The following RNF216 variants were observed in gnomAD, a reference collection of about 807,000 sequenced individuals.
RNF216 encodes ring finger protein 216.
In RNF216, 72 loss-of-function variants were observed where a neutral mutation model predicts 110.8. That is an observed-to-expected ratio of 0.65 (90% confidence interval 0.54 to 0.79). The LOEUF is 0.79. Ranked by LOEUF, RNF216 falls within the 30% of genes least tolerant of loss-of-function variation. RNF216 has a pLI of 0.00. For synonymous variants in RNF216, 495 were observed against 407.5 expected, an observed-to-expected ratio of 1.21 and a Z score of -2.59; for missense variants, 1,342 against 1,141.2, an observed-to-expected ratio of 1.18 and a Z score of -2.54.
chr7:5,672,797 T>C (rs1225633523), intron 13 of RNF216, among the ~76,000 whole-genome samples: 1 of 152,014 alleles, frequency 6.6e-6, no homozygotes, highest in Non-Finnish European at 1.5e-5. Flanking sequence ...GGACTCAAGA[T>C]AGGATGCTGT....
chr7:5,660,770 A>G (rs969812753), intron 13 of RNF216, among the ~76,000 whole-genome samples: 1 of 149,944 alleles, frequency 6.7e-6, no homozygotes, highest in African/African-American at 2.5e-5. Context: ...GGGTCTTGCC[A>G]TGTTGCCCAG....
chr7:5,663,457 G>C (rs911630810), intron 13 of RNF216, among the ~76,000 whole-genome samples: 1 of 151,944 alleles, frequency 6.6e-6, no homozygotes, highest in Non-Finnish European at 1.5e-5. Context: ...GGTGGCGTTC[G>C]CCTGTAGTCC....
chr7:5,646,865 T>G (rs1788081031), intron 14 of RNF216, among the ~76,000 whole-genome samples: 2 of 152,140 alleles, frequency 1.3e-5, no homozygotes, highest in South Asian at 4.2e-4. Context: ...CTCAGCCAGG[T>G]CATCTGTAAC....
intron 13 of RNF216, among the ~76,000 whole-genome samples, chr7:5,676,089 G>GT (rs1463738190): frequency 6.6e-6 from 1 of 151,702 alleles, no homozygotes; most frequent in East Asian, 1.9e-4. Flanking sequence ...TCGGCTCACT[G>GT]TAACCTTCGT....
At chr7:5,723,005 G>A (rs1433533158) in intron 8 of RNF216, among the ~76,000 whole-genome samples, 1 of 152,066 alleles carries the variant, frequency 6.6e-6, no homozygotes, top group Admixed American at 6.5e-5. Context: ...GAATAGAAAA[G>A]CACGTGGTTA....
At chr7:5,765,580 C>A (rs892277446) in intron 1 of RNF216, among the ~76,000 whole-genome samples, 1 of 151,334 alleles carries the variant, frequency 6.6e-6, no homozygotes, top group Non-Finnish European at 1.5e-5. Context: ...CAGTGTGCCA[C>A]CATCATGCCA....
chr7:5,718,172 G>T (rs1793181742), intron 9 of RNF216, among the ~76,000 whole-genome samples: 1 of 152,140 alleles, frequency 6.6e-6, no homozygotes, highest in South Asian at 2.1e-4. Flanking sequence ...CTTAAGGTCA[G>T]GAGTTTGACA....
chr7:5,648,031 T>A (rs892282867), intron 14 of RNF216, among the ~76,000 whole-genome samples: 1 of 152,098 alleles, frequency 6.6e-6, no homozygotes, highest in East Asian at 1.9e-4. Context: ...GTTTTGTAAT[T>A]TGAGATGCAC....
At chr7:5,684,451 G>A (rs1357680224) in intron 13 of RNF216, among the ~76,000 whole-genome samples, 1 of 152,148 alleles carries the variant, frequency 6.6e-6, no homozygotes, top group Non-Finnish European at 1.5e-5. Flanking sequence ...TAAAACAAAT[G>A]CTGATCTTTA....
chr7:5,625,529 G>A (rs1250276392), intron 15 of RNF216, among the ~76,000 whole-genome samples: 1 of 152,164 alleles, frequency 6.6e-6, no homozygotes, highest in African/African-American at 2.4e-5. Context: ...GCCCCATCGA[G>A]GGCTAACCAA....
At chr7:5,776,076 T>C (rs142309852) in intron 1 of RNF216, among the ~76,000 whole-genome samples, 41 of 152,258 alleles carry the variant, frequency 2.7e-4, no homozygotes, top group African/African-American at 8.7e-4. Context: ...CTAATACAAT[T>C]AATATTAAAT....
chr7:5,705,810 G>T (rs1277971124), intron 13 of RNF216, among the ~76,000 whole-genome samples: 1 of 151,948 alleles, frequency 6.6e-6, no homozygotes, highest in Non-Finnish European at 1.5e-5. Context: ...GGGAGGCTGG[G>T]GCAGGAGAAT....
intron 15 of RNF216, among the ~76,000 whole-genome samples, chr7:5,637,294 G>A (rs1464475545): frequency 6.6e-6 from 1 of 152,112 alleles, no homozygotes; most frequent in Non-Finnish European, 1.5e-5. Flanking sequence ...AGGATGACTC[G>A]GGCTTGGCTT....
intron 15 of RNF216, among the ~76,000 whole-genome samples, chr7:5,628,662 C>T (rs575558796): frequency 4.1e-4 from 62 of 150,400 alleles, no homozygotes; most frequent in African/African-American, 1.3e-3. Flanking sequence ...GCTCAGACTA[C>T]AGGCGCCCAC....
intron 3 of RNF216, among the ~76,000 whole-genome samples, chr7:5,748,866 A>T (rs1016965565): frequency 2.4e-4 from 37 of 152,270 alleles, no homozygotes; most frequent in African/African-American, 7.9e-4. Flanking sequence ...TCAAGTGTAA[A>T]CTGTATTTGA....
In RNF216 at chr7:5,724,838, G is replaced by A. The variant is rs190788610; in HGVS notation, c.1504+486C>T. On this transcript the variant is annotated intron_variant, in intron 8 of 16. Transcript: ENST00000389902. ...CTCAAGTTTACATTTTTGGGGATCAGACCTAAATAACCTCTTCAAAAGGGT... is the reference window on the plus strand; with the variant it reads ...CTCAAGTTTACATTTTTGGGGATCAAACCTAAATAACCTCTTCAAAAGGGT... Among the ~76,000 whole-genome samples, 26 of 152,252 alleles carry A rather than the reference G, an allele frequency of 1.7e-4. No homozygotes were observed. The Middle Eastern group carries it at 0.01, about 60-fold the overall frequency.
chr7:5,766,689 T>G (rs1316168697), intron 1 of RNF216, among the ~76,000 whole-genome samples: 1 of 152,218 alleles, frequency 6.6e-6, no homozygotes, highest in African/African-American at 2.4e-5. Context: ...GCTATTTTGT[T>G]AGTCTATGGT....
In RNF216 at chr7:5,716,720, T is replaced by G; in HGVS notation, c.1691A>C (p.Gln564Pro). 1 of 1,592,942 alleles carries G rather than the reference T, an allele frequency of 6.3e-7. No homozygotes were observed. The highest frequency in any genetic ancestry group is 8.6e-7 in the Non-Finnish European group (1 of 1,167,782). Residue 564 changes from glutamine (Q) to proline (P), a missense_variant, in exon 10 of 17, where the codon CAA becomes CCA. Coordinates refer to ENST00000389902, the MANE Select transcript of RNF216 (RefSeq NM_207111.4). ...LALQMNEEQY[Q>P]KDGQLIECRC... ...CAAGGTGAGATTTCAAACTACCTTTTGATACTGTTCTTCATTCATCTGTAG... is the reference window on the plus strand; with the variant it reads ...CAAGGTGAGATTTCAAACTACCTTTGGATACTGTTCTTCATTCATCTGTAG...
chr7:5,738,085 T>A (rs1448168249), intron 5 of RNF216, among the ~76,000 whole-genome samples: 3 of 30,176 alleles, frequency 9.9e-5, no homozygotes, highest in South Asian at 1.5e-3. Flanking sequence ...TAAGACTGTC[T>A]CCAAAAAAAA....
Sources: gnomAD v4.1 joint callset for allele counts (sites outside exome capture counted in the v4.1 genomes callset) on GRCh38, gnomAD v4.1.1 for gene constraint, MANE v1.5 for transcripts, NCBI Gene and HGNC (gene_info 2026-07-23, HGNC 2026-07-21) for gene names.